CLN3: variants seen among roughly 807,000 people sequenced by gnomAD.
CLN3 encodes the protein CLN3 lysosomal/endosomal transmembrane protein, battenin, also known as battenin.
In CLN3, 49 loss-of-function variants were observed where a neutral mutation model predicts 60.7. That is an observed-to-expected ratio of 0.81 (90% CI 0.64 to 1.02). The LOEUF is 1.02. Among genes scored for constraint, CLN3 ranks in the 50% least tolerant of loss-of-function variants. The pLI is 0.00. For synonymous variants in CLN3, 256 were observed against 245.8 expected (o/e 1.04, Z -0.39); for missense variants, 516 against 557.4 (o/e 0.93, Z 0.75).
At chr16:28,490,460 T>TAAAAAAAAAAAAAAA (rs35681318) in intron 3 of CLN3, 2 of 98,750 alleles carry the variant, frequency 2.0e-5, no homozygotes, top group African/African-American at 8.1e-5. Context: ...AAAATAAAAT[T>TAAAAAAAAAAAAAAA]AAAAAAAAAA....
chr16:28,478,268 G>A (rs1023414994), intron 14 of CLN3, among the ~76,000 whole-genome samples: 3 of 148,730 alleles, frequency 2.0e-5, no homozygotes, highest in Non-Finnish European at 3.0e-5. Context: ...TCGCAGCACT[G>A]CACTCCAGCC....
intron 4 of CLN3, 91 bp downstream of exon 4, chr16:28,489,199 G>T: frequency 1.0e-6 from 1 of 998,922 alleles, no homozygotes; most frequent in Non-Finnish European, 1.6e-6. Context: ...ACTGTGCCCA[G>T]CCAGAGACTG....
At chr16:28,485,684 T>TAAA (rs758152793) in intron 9 of CLN3, among the ~76,000 whole-genome samples, 1 of 84,564 alleles carries the variant, frequency 1.2e-5, no homozygotes, top group African/African-American at 4.9e-5. Flanking sequence ...CAACACTGAT[T>TAAA]AAAAAAAAAA....
intron 7 of CLN3, 151 bp from the exon 8 acceptor site, chr16:28,486,801 C>G (rs2046227827): frequency 2.7e-6 from 2 of 750,132 alleles, no homozygotes; most frequent in Admixed American, 2.0e-5. Context: ...TGAAGCAGAG[C>G]CCCACTCCCC....
rs778438984 is a variant in CLN3 at position 28,477,487 on chromosome 16, T to C, written c.*29A>G. 4.3e-5 allele frequency: 69 copies of C among 1,612,032 alleles called. No individual in the cohort carries two copies. The Middle Eastern group carries it at 1.3e-3, about 29-fold the overall frequency. On this transcript the variant is annotated 3_prime_UTR_variant, in exon 16 of 16. Transcript: ENST00000636147. Reference sequence around the variant, plus strand: ...ACCTGTCCCTCTGCCCACAGGTGAATGTGACCTGCGTCCTGAGGATCCCGA... The same window carrying C: ...ACCTGTCCCTCTGCCCACAGGTGAACGTGACCTGCGTCCTGAGGATCCCGA...
At chr16:28,482,003 AT>A in intron 14 of CLN3, 101 bp downstream of exon 14, 5 of 805,558 alleles carry the variant, frequency 6.2e-6, no homozygotes, top group Non-Finnish European at 1.0e-5. Context: ...AAAAAAAAAA[AT>A]TTACACTTCC....
At chr16:28,478,891 G>A (rs552535653) in intron 14 of CLN3, among the ~76,000 whole-genome samples, 99 of 152,230 alleles carry the variant, frequency 6.5e-4, no homozygotes, top group Non-Finnish European at 1.1e-3. Flanking sequence ...TGGAAAAACC[G>A]TTGGTTCACT....
chr16:28,491,825 G>A lies in CLN3; in HGVS notation c.-66C>T, dbSNP rs1359160360. 1 of 1,587,942 alleles carries A rather than the reference G, an allele frequency of 6.3e-7. No individual in the cohort carries two copies. Among genetic ancestry groups the A allele is most frequent in the East Asian group, 2.3e-5 (1 of 44,258 alleles). On this transcript the variant is annotated 5_prime_UTR_variant, in exon 2 of 16. Transcript: ENST00000636147. Reference sequence around the variant, plus strand: ...GTGTCCAAAGGGGGCTCCCACGGGAGGGATGAGGGTCTGCGACAGGTGACA... The same window carrying A: ...GTGTCCAAAGGGGGCTCCCACGGGAAGGATGAGGGTCTGCGACAGGTGACA...
At chr16:28,473,883 A>C (rs2141689627), downstream of CLN3, among the ~76,000 whole-genome samples, 1 of 152,314 alleles carries the variant, frequency 6.6e-6, no homozygotes, top group Admixed American at 6.5e-5. Flanking sequence ...GGGACATGCA[A>C]ATCAAAACCA....
chr16:28,485,571 CAAAAAAAAAAAA>C (rs67148714), intron 9 of CLN3, among the ~76,000 whole-genome samples: 221 of 11,766 alleles, frequency 0.019, 5 homozygotes, highest in Middle Eastern at 0.17. Flanking sequence ...GACTCCGTCT[CAAAAAAAAAAAA>C]AAAAAAAAAA....
chr16:28,469,958 T>G, downstream of CLN3: 2 of 290,464 alleles, frequency 6.9e-6, no homozygotes, highest in Admixed American at 4.8e-5. Flanking sequence ...GGCGACAGAG[T>G]GAGACTCTGT....
intron 9 of CLN3, 31 bp from the exon 10 acceptor site, chr16:28,484,149 A>C (rs2046163205): frequency 1.0e-5 from 16 of 1,540,276 alleles, no homozygotes; most frequent in Non-Finnish European, 1.1e-5. Context: ...GGGTCAGAAA[A>C]CCCTACTGGC....
At chr16:28,469,201 G>GGCAC (rs1432983947), downstream of CLN3, among the ~76,000 whole-genome samples, 6 of 123,276 alleles carry the variant, frequency 4.9e-5, no homozygotes, top group African/African-American at 1.5e-4. Context: ...CCTATGGCAT[G>GGCAC]GCACGCATCT....
intron 2 of CLN3, 63 bp from the exon 3 acceptor site, chr16:28,491,623 T>C: frequency 1.2e-6 from 2 of 1,613,602 alleles, no homozygotes; most frequent in Non-Finnish European, 1.7e-6. Context: ...GCTCCTTGCG[T>C]GTCCTCCCGG....
rs2046243804 is a variant in CLN3, at chr16:28,487,661, C to T, written c.374+1G>A. 6.2e-7 allele frequency: 1 copy of T among 1,613,370 alleles called. No homozygotes were observed. On this transcript the variant is annotated splice_donor_variant, in intron 6 of 15. Coordinates refer to ENST00000636147, the MANE Select transcript of CLN3 (RefSeq NM_001042432.2). LOFTEE classifies it high-confidence loss of function. ...CTGCCTCCCACTACCCTCACCCAGA[C>T]CTGTAGGGCAGCAGGTGAAGGCCAA...
Position 28,491,811 on chromosome 16 carries a change from G to A in CLN3, c.-52C>T, listed in dbSNP as rs2046320252. The A allele has an allele frequency of 3.1e-6, 5 of 1,603,418 alleles. No homozygotes were observed. The highest frequency in any genetic ancestry group is 1.3e-5 in the African/African-American group (1 of 74,678). On this transcript the variant is annotated 5_prime_UTR_variant, in exon 2 of 16. Coordinates refer to ENST00000636147, the MANE Select transcript of CLN3 (RefSeq NM_001042432.2). ...TCCAGGGTCATAGAGTGTCCAAAGGGGGCTCCCACGGGAGGGATGAGGGTC... is the reference window on the plus strand; with the variant it reads ...TCCAGGGTCATAGAGTGTCCAAAGGAGGCTCCCACGGGAGGGATGAGGGTC...
intron 3 of CLN3, 146 bp from the exon 4 acceptor site, chr16:28,489,532 G>A: frequency 4.2e-6 from 3 of 707,216 alleles, no homozygotes; most frequent in Non-Finnish European, 7.7e-6. Flanking sequence ...ATTCAATGTT[G>A]GGGTCAAAAA....
chr16:28,488,121 A>C (rs1596563613), intron 5 of CLN3: 1 of 212,728 alleles, frequency 4.7e-6, no homozygotes, highest in South Asian at 6.9e-5. Flanking sequence ...GCTCACTACA[A>C]CCTCCACCTC....
At chr16:28,487,851 G>A in intron 5 of CLN3, 110 bp from the exon 6 acceptor site, 1 of 834,310 alleles carries the variant, frequency 1.2e-6, no homozygotes, top group Non-Finnish European at 2.0e-6. Context: ...ACAAACACAG[G>A]CTCTGGAGTC....
Sources: allele counts gnomAD v4.1 joint callset (sites outside exome capture counted in the v4.1 genomes callset), GRCh38; gene constraint gnomAD v4.1.1; transcripts MANE v1.5; gene names NCBI Gene and HGNC (gene_info 2026-07-23, HGNC 2026-07-21).